Variants in JAK1 observed in about 807,000 individuals in gnomAD.
The protein encoded by JAK1 is tyrosine-protein kinase JAK1.
In JAK1, 16 loss-of-function variants were observed where a neutral mutation model predicts 136.6. The ratio of observed to expected loss-of-function variants is 0.12; its 90% CI spans 0.08 to 0.18. JAK1 has a LOEUF of 0.18. Ranked by LOEUF, JAK1 falls within the 10% of genes least tolerant of loss-of-function variation. The pLI is 1.00. For missense variants in JAK1, 859 were observed against 1,450.1 expected (o/e 0.59, Z 6.62); for synonymous variants, 492 against 519.5 (o/e 0.95, Z 0.72).
chr1:64,926,433 C>T (rs902991868), intron 1 of JAK1, among the ~76,000 whole-genome samples: 2 of 149,670 alleles, frequency 1.3e-5, no homozygotes, highest in African/African-American at 2.5e-5. Context: ...AGAGCCATCG[C>T]AGCACTGTTC....
intron 5 of JAK1, among the ~76,000 whole-genome samples, chr1:64,869,768 T>C (rs1411330426): frequency 6.6e-6 from 1 of 152,168 alleles, no homozygotes; most frequent in Non-Finnish European, 1.5e-5. Flanking sequence ...ACAAACACTG[T>C]GTACTAGGCC....
rs1156732879 is a variant in JAK1, at chr1:64,960,543, C to T, written c.-78+5790G>A. ...TTGATGTGATTTAGTCTCCTACAGC[C>T]GGCTTCAAGTTATTACTATCTTCTA... On this transcript the variant is annotated intron_variant, in intron 1 of 24. Transcript: ENST00000342505. Among the ~76,000 whole-genome samples, 10 of 152,138 alleles carry T rather than the reference C, an allele frequency of 6.6e-5. No individual in the cohort carries two copies. In the East Asian group the frequency reaches 1.7e-3, roughly 26 times the overall value.
rs536754473 is a variant in JAK1, at chr1:64,980,844, G to A, written c.-78+63636C>T. Among the ~76,000 whole-genome samples, 7 of 152,076 alleles carry A rather than the reference G, an allele frequency of 4.6e-5. No homozygotes were observed. In the East Asian group the frequency reaches 7.7e-4, roughly 17 times the overall value. Reference sequence around the variant, plus strand: ...GCGGTGTTTGGTTTTTTGTCCTTGCGATAGTTTGCTGAGAATGATGGTTTC... The same window carrying A: ...GCGGTGTTTGGTTTTTTGTCCTTGCAATAGTTTGCTGAGAATGATGGTTTC... On this transcript the variant is annotated intron_variant, in intron 2 of 25. Coordinates refer to the JAK1 transcript ENST00000671954.
At chr1:64,954,033 A>T (rs898294424) in intron 1 of JAK1, among the ~76,000 whole-genome samples, 1 of 152,198 alleles carries the variant, frequency 6.6e-6, no homozygotes, top group Non-Finnish European at 1.5e-5. Context: ...ACATCAAGGC[A>T]CATCTCCAAG....
chr1:64,888,790 C>T (rs962237708), intron 1 of JAK1, among the ~76,000 whole-genome samples: 4 of 152,124 alleles, frequency 2.6e-5, no homozygotes, highest in African/African-American at 4.8e-5. Context: ...TTAAACTCTT[C>T]GAGAAAACAA....
intron 1 of JAK1, among the ~76,000 whole-genome samples, chr1:64,921,702 C>G (rs1330869090): frequency 6.6e-6 from 1 of 151,948 alleles, no homozygotes; most frequent in Admixed American, 6.6e-5. Context: ...GAAATAAAAC[C>G]TCTTAGAAAT....
chr1:64,964,884 T>C (rs892187139), intron 1 of JAK1, among the ~76,000 whole-genome samples: 1 of 152,218 alleles, frequency 6.6e-6, no homozygotes, highest in Non-Finnish European at 1.5e-5. Context: ...TCTGGAACCC[T>C]GGTGGTCTCC....
intron 2 of JAK1, among the ~76,000 whole-genome samples, chr1:65,032,674 T>C (rs1331462152): frequency 6.6e-6 from 1 of 152,234 alleles, no homozygotes; most frequent in Non-Finnish European, 1.5e-5. Flanking sequence ...AATCAGTGGG[T>C]ATCTATTTTC....
chr1:64,988,045 G>C (rs1398193276), intron 2 of JAK1, among the ~76,000 whole-genome samples: 1 of 152,182 alleles, frequency 6.6e-6, no homozygotes, highest in Non-Finnish European at 1.5e-5. Flanking sequence ...TGATATGCTA[G>C]AGTTGGCCTT....
chr1:65,010,015 T>C (rs1455868792), intron 2 of JAK1, among the ~76,000 whole-genome samples: 1 of 152,226 alleles, frequency 6.6e-6, no homozygotes, highest in Non-Finnish European at 1.5e-5. Flanking sequence ...TTCGACTCCA[T>C]CATGCAAGGA....
intron 1 of JAK1, among the ~76,000 whole-genome samples, chr1:65,063,529 C>G (rs1647903766): frequency 6.6e-6 from 1 of 152,178 alleles, no homozygotes; most frequent in African/African-American, 2.4e-5. Context: ...TGGGGCTAGG[C>G]ACAGTGGCTC....
chr1:64,914,876 T>C (rs566847038), intron 1 of JAK1, among the ~76,000 whole-genome samples: 36 of 152,306 alleles, frequency 2.4e-4, no homozygotes, highest in Non-Finnish European at 4.7e-4. Flanking sequence ...ACACATGGTA[T>C]TTAAAACACA....
chr1:65,029,380 G>A (rs544824337), intron 2 of JAK1, among the ~76,000 whole-genome samples: 6 of 152,268 alleles, frequency 3.9e-5, no homozygotes, highest in East Asian at 1.9e-4. Context: ...GATTACAGGC[G>A]TGAGCCAACA....
chr1:64,924,617 GT>G (rs540472350), intron 1 of JAK1, among the ~76,000 whole-genome samples: 195 of 152,332 alleles, frequency 1.3e-3, no homozygotes, highest in African/African-American at 4.6e-3. Flanking sequence ...CAGGTGCTCA[GT>G]AAGTCTGAGG....
intron 1 of JAK1, among the ~76,000 whole-genome samples, chr1:64,938,292 T>C (rs1436387853): frequency 6.6e-6 from 1 of 152,234 alleles, no homozygotes; most frequent in African/African-American, 2.4e-5. Flanking sequence ...TTAGATGTAC[T>C]GTGTGATTTT....
At chr1:64,878,605 A>T in intron 4 of JAK1, among the ~76,000 whole-genome samples, 1 of 113,404 alleles carries the variant, frequency 8.8e-6, no homozygotes, top group Non-Finnish European at 1.9e-5. Context: ...ATATATATAT[A>T]TCTCAAAAGT....
intron 3 of JAK1, among the ~76,000 whole-genome samples, 184 bp downstream of exon 3, chr1:64,883,093 C>A (rs972976428): frequency 4.6e-5 from 7 of 152,150 alleles, no homozygotes; most frequent in Admixed American, 4.6e-4. Context: ...AAAGCGAAAC[C>A]CTCAGAATTA....
intron 9 of JAK1, among the ~76,000 whole-genome samples, chr1:64,859,027 T>C (rs933726936): frequency 1.3e-5 from 2 of 152,204 alleles, no homozygotes; most frequent in Non-Finnish European, 2.9e-5. Context: ...AAGACGCTTT[T>C]CAAATGCTCA....
rs572334872 is a variant in JAK1 at position 64,863,117 on chromosome 1, G to A, written c.1176+1670C>T. Among the ~76,000 whole-genome samples the A allele has an allele frequency of 6.6e-5, 10 of 150,788 alleles. No individual in the cohort carries two copies. In the South Asian group the frequency reaches 1.3e-3, roughly 19 times the overall value. On this transcript the variant is annotated intron_variant, in intron 8 of 24. Transcript: ENST00000342505. Reference sequence around the variant, plus strand: ...ATACCCACGATGCAGCATATAACACGGGGCCTAATACCCAGGATGCAGCAT... The same window carrying A: ...ATACCCACGATGCAGCATATAACACAGGGCCTAATACCCAGGATGCAGCAT...
Sources: allele counts gnomAD v4.1 joint callset (sites outside exome capture counted in the v4.1 genomes callset), GRCh38; gene constraint gnomAD v4.1.1; transcripts MANE v1.5; gene names NCBI Gene and HGNC (gene_info 2026-07-23, HGNC 2026-07-21).